The following PRAMEF19 variants were observed in gnomAD, a reference collection of about 807,000 sequenced individuals.
PRAMEF19 encodes the protein PRAME family member 19, also known as PRAME family member-like.
In PRAMEF19, 21 loss-of-function variants were observed where a neutral mutation model predicts 33.1. That is an observed-to-expected ratio of 0.63 (90% confidence interval 0.45 to 0.91). PRAMEF19 has a LOEUF of 0.91. Among genes scored for constraint, PRAMEF19 ranks in the 40% least tolerant of loss-of-function variants. PRAMEF19 has a pLI of 0.00. For missense variants in PRAMEF19, 481 were observed against 585.2 expected (o/e 0.82, Z 1.84); for synonymous variants, 179 against 229.3 (o/e 0.78, Z 1.98).
downstream of PRAMEF19, chr1:13,368,959 A>T (rs1346291535): frequency 7.7e-5 from 115 of 1,486,612 alleles, no homozygotes; most frequent in African/African-American, 1.5e-3. Context: ...ATTTTTAAAT[A>T]AAAGCTGTAA....
intron 2 of PRAMEF19, among the ~76,000 whole-genome samples, chr1:13,370,262 C>T (rs1439438616): frequency 6.6e-6 from 1 of 152,294 alleles, no homozygotes; most frequent in East Asian, 1.9e-4. Flanking sequence ...TCTGTTGCCT[C>T]TTTTTTATCA....
rs1640662992 is a variant in PRAMEF19 at position 13,370,859 on chromosome 1, C to T, written c.656G>A (p.Cys219Tyr). The change falls in exon 2 of 3, where the codon TGT becomes TAT. Residue 219 changes from cysteine to tyrosine, a missense_variant. By Grantham distance (194) the Cys-to-Tyr change is radical. Around this residue, in one of 3 missense-constraint regions of PRAMEF19, gnomAD observed 392 missense variants for 397.5 expected, o/e 0.99. Transcript: ENST00000376101. The stretch of plus-strand genomic sequence containing the variant: ...GTAACGGCTAACCTCTGCTACCATA[C>T]ACGGCCAGCACATGTTCCAAATTTC... 3.1e-6 allele frequency: 5 copies of T among 1,613,872 alleles called. No homozygotes were observed. In the South Asian group the frequency reaches 3.3e-5, roughly 11 times the overall value.
At chr1:13,369,851 G>A (rs2359297) in intron 2 of PRAMEF19, among the ~76,000 whole-genome samples, 3,345 of 85,700 alleles carry the variant, frequency 0.039, no homozygotes, top group African/African-American at 0.076. Flanking sequence ...TCACTGGTGT[G>A]ATTGGTTCAA....
intron 2 of PRAMEF19, among the ~76,000 whole-genome samples, chr1:13,369,866 A>G (rs1480014867): frequency 1.3e-5 from 2 of 151,598 alleles, no homozygotes; most frequent in African/African-American, 4.8e-5. Flanking sequence ...GTTCAAGGCC[A>G]TAAAATCTCT....
chr1:13,369,353 T>C, exon 3 of PRAMEF19: 1 of 1,612,082 alleles, frequency 6.2e-7, no homozygotes, highest in South Asian at 1.1e-5. Flanking sequence ...GTCATTGCCG[T>C]GAAAGCAGAA....
chr1:13,369,214 G>C, exon 3 of PRAMEF19: 1 of 1,611,990 alleles, frequency 6.2e-7, no homozygotes, highest in Admixed American at 1.7e-5. Flanking sequence ...CCTGAAGTGG[G>C]GTGAGGAGCT....
chr1:13,369,730 C>T (rs1314997189), intron 2 of PRAMEF19, 90 bp from the exon 3 acceptor site: 180 of 1,557,072 alleles, frequency 1.2e-4, no homozygotes, highest in Non-Finnish European at 1.5e-4. Context: ...CTGTTTTGCC[C>T]AAACACAAGT....
At chr1:13,369,014 T>C (rs879025587), downstream of PRAMEF19, 82,997 of 1,600,870 alleles carry the variant, frequency 0.052, 3,366 homozygotes, top group East Asian at 0.26. Context: ...ATCTATGTCC[T>C]AGATTTTAGT....
exon 2 of PRAMEF19, chr1:13,370,830 T>C: frequency 6.2e-7 from 1 of 1,613,970 alleles, no homozygotes; most frequent in East Asian, 2.2e-5. Context: ...TTCATCTGGC[T>C]CAGGTAACGG....
chr1:13,371,672 T>G (rs1640674530), exon 1 of PRAMEF19: 1 of 1,610,322 alleles, frequency 6.2e-7, no homozygotes, highest in East Asian at 2.2e-5. Context: ...TAATGTAAGA[T>G]CTCCAGATCA....
chr1:13,370,252 T>G (rs1322373569), intron 2 of PRAMEF19, among the ~76,000 whole-genome samples: 1 of 152,282 alleles, frequency 6.6e-6, no homozygotes, highest in Non-Finnish European at 1.5e-5. Flanking sequence ...CACCCTCCCC[T>G]CTGTTGCCTC....
chr1:13,368,901 G>A (rs1215217975), downstream of PRAMEF19, among the ~76,000 whole-genome samples: 3 of 152,074 alleles, frequency 2.0e-5, no homozygotes, highest in Non-Finnish European at 4.4e-5. Flanking sequence ...TCCCTTAAGC[G>A]TAAGAGTTTG....
Position 13,370,816 on chromosome 1 carries a change from A to T in PRAMEF19, c.699T>A (p.Asn233Lys), listed in dbSNP as rs1640662119. ...CATCGGAGATGAAGAGTTTTCGAAG[A>T]TTCTTCATCTGGCTCAGGTAACGGC... Residue 233 changes from asparagine to lysine, a missense_variant, in exon 2 of 3, where the codon AAT becomes AAA. By Grantham distance (94) the Asn-to-Lys change is moderately conservative. Transcript: ENST00000376101. The T allele has an allele frequency of 3.7e-6, 6 of 1,613,854 alleles. No individual in the cohort carries two copies. The South Asian group carries it at 5.5e-5, about 15-fold the overall frequency.
chr1:13,369,148 A>T, exon 3 of PRAMEF19: 3 of 1,611,972 alleles, frequency 1.9e-6, no homozygotes, highest in Non-Finnish European at 2.5e-6. Flanking sequence ...AGGAGACGGG[A>T]CCAAAGAAGA....
At chr1:13,370,939 A>C in exon 2 of PRAMEF19, 2 of 1,613,618 alleles carry the variant, frequency 1.2e-6, no homozygotes, top group Non-Finnish European at 1.7e-6. Context: ...TGAAATTTAG[A>C]ATGTTCATTG....
exon 1 of PRAMEF19, chr1:13,371,882 G>C (rs1283247596): frequency 6.2e-7 from 1 of 1,611,976 alleles, no homozygotes; most frequent in Non-Finnish European, 8.5e-7. Context: ...AGGAGTCTGC[G>C]TGGGGCCTGG....
chr1:13,369,293 C>T (rs1640638895), exon 3 of PRAMEF19: 2 of 1,612,064 alleles, frequency 1.2e-6, no homozygotes, highest in Non-Finnish European at 8.5e-7. Flanking sequence ...GCTCAAATTG[C>T]TCAGCCTGCC....
chr1:13,368,796 CAG>C (rs1557461536), downstream of PRAMEF19, among the ~76,000 whole-genome samples: 4 of 152,114 alleles, frequency 2.6e-5, no homozygotes, highest in Admixed American at 1.3e-4. Context: ...ATGCCTGAAA[CAG>C]AGGTTTCTCT....
chr1:13,369,166 G>A (rs878906661), exon 3 of PRAMEF19: 84,117 of 1,611,730 alleles, frequency 0.052, 3,398 homozygotes, highest in East Asian at 0.25. Context: ...AGATCCTGTT[G>A]GGCTCCCTTA....
Sources: gnomAD v4.1 joint callset for allele counts (sites outside exome capture counted in the v4.1 genomes callset) on GRCh38, gnomAD v4.1.1 for gene constraint, gnomAD v4.1.1 regional missense constraint, MANE v1.5 for transcripts, NCBI Gene and HGNC (gene_info 2026-07-23, HGNC 2026-07-21) for gene names.